MAST2: variants seen among roughly 807,000 people sequenced by gnomAD.
MAST2 encodes the protein microtubule-associated serine/threonine-protein kinase 2.
Under a neutral mutation model 147.4 loss-of-function variants are expected in MAST2, and 70 were observed. The observed-to-expected ratio is 0.47, with a 90% CI of 0.39 to 0.58. The LOEUF (loss-of-function observed/expected upper bound fraction) is 0.58. MAST2 is among the 20% of genes least tolerant of loss of function. The probability of loss-of-function intolerance (pLI) is 0.00; values close to 1 mark genes in which losing one functional copy is unlikely to be tolerated. For missense variants in MAST2, 2,080 were observed against 2,302.3 expected, an observed-to-expected ratio of 0.90 and a Z score of 1.98; for synonymous variants, 869 against 896.8, an observed-to-expected ratio of 0.97 and a Z score of 0.55.
chr1:45,893,240 G>A (rs1288718546), intron 4 of MAST2, among the ~76,000 whole-genome samples: 1 of 151,874 alleles, frequency 6.6e-6, no homozygotes, highest in Non-Finnish European at 1.5e-5. Flanking sequence ...TTGCTCTGTT[G>A]CCCAGGCTGG....
chr1:45,912,732 C>T (rs1283668396), intron 4 of MAST2, among the ~76,000 whole-genome samples: 2 of 152,214 alleles, frequency 1.3e-5, no homozygotes, highest in Non-Finnish European at 2.9e-5. Context: ...TTTACTTGAT[C>T]ACTTGGTTTT....
At chr1:45,826,354 G>T (rs1490554452) in intron 2 of MAST2, among the ~76,000 whole-genome samples, 1 of 152,028 alleles carries the variant, frequency 6.6e-6, no homozygotes, top group Non-Finnish European at 1.5e-5. Flanking sequence ...CAGGGCAGAT[G>T]ATACCTCACT....
chr1:45,894,950 G>T (rs567779649), intron 4 of MAST2, among the ~76,000 whole-genome samples: 1 of 152,198 alleles, frequency 6.6e-6, no homozygotes, highest in African/African-American at 2.4e-5. Flanking sequence ...ACAATTTGGG[G>T]TCCTTCATTT....
intron 4 of MAST2, among the ~76,000 whole-genome samples, chr1:45,931,166 A>AT (rs1362663035): frequency 6.6e-6 from 1 of 152,184 alleles, no homozygotes; most frequent in African/African-American, 2.4e-5. Flanking sequence ...ATGTGTTAGA[A>AT]TTTTACTGTT....
chr1:46,000,914 C>T (rs965506489), intron 6 of MAST2: 49 of 1,270,412 alleles, frequency 3.9e-5, no homozygotes, highest in Non-Finnish European at 4.8e-5. Flanking sequence ...ATCACTCTCT[C>T]TGGTTCCTTT....
intron 5 of MAST2, among the ~76,000 whole-genome samples, chr1:45,982,430 G>T: frequency 6.6e-6 from 1 of 152,268 alleles, no homozygotes; most frequent in South Asian, 2.1e-4. Context: ...TGAGATAGAG[G>T]CCGGGAGATT....
At chr1:45,990,871 A>C (rs906405183) in intron 5 of MAST2, among the ~76,000 whole-genome samples, 2 of 152,068 alleles carry the variant, frequency 1.3e-5, no homozygotes, top group Non-Finnish European at 2.9e-5. Context: ...AGAAGTTCTT[A>C]ATTTTAATGC....
chr1:45,881,943 G>A (rs187381540), intron 3 of MAST2, among the ~76,000 whole-genome samples: 9 of 149,684 alleles, frequency 6.0e-5, no homozygotes, highest in African/African-American at 9.8e-5. Context: ...TTGGGAGGCC[G>A]AGGCGGGCGG....
intron 3 of MAST2, among the ~76,000 whole-genome samples, chr1:45,835,923 G>A (rs1474096288): frequency 1.3e-5 from 2 of 152,050 alleles, no homozygotes; most frequent in Non-Finnish European, 2.9e-5. Context: ...CTGCATTATA[G>A]CATGTATCAA....
intron 4 of MAST2, among the ~76,000 whole-genome samples, chr1:45,916,472 C>T (rs1570699607): frequency 6.6e-6 from 1 of 151,928 alleles, no homozygotes; most frequent in East Asian, 1.9e-4. Flanking sequence ...TAATAATCTT[C>T]GATAGGACTT....
intron 5 of MAST2, among the ~76,000 whole-genome samples, chr1:45,962,386 A>G (rs1424229713): frequency 6.6e-5 from 10 of 152,036 alleles, no homozygotes; most frequent in Non-Finnish European, 1.3e-4. Context: ...CAGTCCCACC[A>G]ACAGTGTAAA....
rs146357483 is a variant in MAST2 at position 45,840,718 on chromosome 1, G to A, written c.468+11137G>A. On this transcript the variant is annotated intron_variant, in intron 3 of 28. Coordinates refer to ENST00000361297, the MANE Select transcript of MAST2 (RefSeq NM_015112.3). ...AAACTACCTGCAACCTAACCTAAGA[G>A]TATACTCTTGTAACAAGTAGCTGAG... Among the ~76,000 whole-genome samples, 400 of 152,246 alleles carry A rather than the reference G, an allele frequency of 2.6e-3. 2 individuals carry two copies. Among genetic ancestry groups the A allele is most frequent in the Non-Finnish European group, 4.5e-3 (307 of 68,020 alleles).
chr1:45,840,175 G>A (rs957980796), intron 3 of MAST2, among the ~76,000 whole-genome samples: 1 of 152,184 alleles, frequency 6.6e-6, no homozygotes, highest in African/African-American at 2.4e-5. Context: ...ACAAATTGAA[G>A]TGTATCTACA....
intron 4 of MAST2, among the ~76,000 whole-genome samples, chr1:45,897,166 CTGTTCCAGAT>C (rs1648875654): frequency 6.6e-6 from 1 of 152,164 alleles, no homozygotes; most frequent in Non-Finnish European, 1.5e-5. Flanking sequence ...TCTTCTTGTG[CTGTTCCAGAT>C]TGCAGGCAGC....
intron 5 of MAST2, among the ~76,000 whole-genome samples, chr1:45,982,914 G>A (rs898935093): frequency 2.0e-5 from 3 of 152,194 alleles, no homozygotes; most frequent in Non-Finnish European, 4.4e-5. Flanking sequence ...CCAACTTGAG[G>A]TAGTGTCAGA....
rs1646085295 is a variant in MAST2 at position 45,864,638 on chromosome 1, C to T, written c.469-17726C>T. On this transcript the variant is annotated intron_variant, in intron 3 of 28. Transcript: ENST00000361297. Reference sequence around the variant, plus strand: ...TGAAGAATTGTCATCTTTTTAAAAACGTATGTGGAGTGGTTTTGTTTCTGG... The same window carrying T: ...TGAAGAATTGTCATCTTTTTAAAAATGTATGTGGAGTGGTTTTGTTTCTGG... Among the ~76,000 whole-genome samples the T allele has an allele frequency of 2.0e-5, 3 of 152,200 alleles. No individual in the cohort carries two copies. The South Asian group carries it at 6.2e-4, about 32-fold the overall frequency.
chr1:45,907,937 G>A (rs1021615973), intron 4 of MAST2, among the ~76,000 whole-genome samples: 3 of 151,950 alleles, frequency 2.0e-5, no homozygotes, highest in African/African-American at 7.2e-5. Context: ...AGAATGTATT[G>A]GCATAAATTG....
At chr1:45,833,806 T>C (rs1368765543) in intron 3 of MAST2, among the ~76,000 whole-genome samples, 2 of 152,176 alleles carry the variant, frequency 1.3e-5, no homozygotes, top group East Asian at 3.9e-4. Context: ...AAATAATTGT[T>C]TCTTTAGACC....
chr1:46,010,967 A>G (rs368289345), intron 10 of MAST2, 28 bp downstream of exon 10: 20 of 1,580,396 alleles, frequency 1.3e-5, no homozygotes, highest in Non-Finnish European at 1.7e-5. Flanking sequence ...GGGGTTCTGA[A>G]AAAACCTCCA....
Sources: allele counts gnomAD v4.1 joint callset (sites outside exome capture counted in the v4.1 genomes callset), GRCh38; gene constraint gnomAD v4.1.1; transcripts MANE v1.5; gene names NCBI Gene and HGNC (gene_info 2026-07-23, HGNC 2026-07-21).